Variants in MAP3K14 observed in about 807,000 individuals in gnomAD.
MAP3K14 encodes NF-kappa-beta-inducing kinase.
In MAP3K14, 16 loss-of-function variants were observed where a neutral mutation model predicts 99.2. The ratio of observed to expected loss-of-function variants is 0.16; its 90% CI spans 0.11 to 0.24. The LOEUF is 0.24. MAP3K14 is among the 10% of genes least tolerant of loss of function. The pLI, the probability that MAP3K14 is intolerant of heterozygous loss-of-function variation, is 1.00. For synonymous variants in MAP3K14, 462 were observed against 492.4 expected (o/e 0.94, Z 0.82); for missense variants, 784 against 1,208.7 (o/e 0.65, Z 5.21).
intron 14 of MAP3K14, 106 bp downstream of exon 14, chr17:45,266,431 C>G: frequency 7.0e-7 from 1 of 1,434,554 alleles, no homozygotes; most frequent in Non-Finnish European, 9.4e-7. Flanking sequence ...GCCTTCCTCC[C>G]TCCCACTGTG....
At chr17:45,274,346 G>T in intron 7 of MAP3K14, 92 bp from the exon 8 acceptor site, 2 of 1,569,078 alleles carry the variant, frequency 1.3e-6, no homozygotes, top group East Asian at 2.3e-5. Context: ...TGGAAAGCAG[G>T]GTCACAGGGT....
At chr17:45,287,679 G>A (rs1376604480) in intron 3 of MAP3K14, among the ~76,000 whole-genome samples, 1 of 152,210 alleles carries the variant, frequency 6.6e-6, no homozygotes, top group Non-Finnish European at 1.5e-5. Context: ...ATGGTGATGG[G>A]GTACAGACTC....
chr17:45,265,630 G>GA (rs1176064012), intron 14 of MAP3K14, among the ~76,000 whole-genome samples: 1 of 152,046 alleles, frequency 6.6e-6, no homozygotes, highest in African/African-American at 2.4e-5. Flanking sequence ...TAGAGACGGG[G>GA]TTTCACCATG....
At chr17:45,310,731 C>T (rs989458093) in intron 1 of MAP3K14, among the ~76,000 whole-genome samples, 7 of 152,154 alleles carry the variant, frequency 4.6e-5, no homozygotes, top group Non-Finnish European at 7.4e-5. Context: ...TAAATACCCA[C>T]TCTAGGTGAG....
intron 1 of MAP3K14, among the ~76,000 whole-genome samples, chr17:45,301,833 C>CTTTTTTT (rs34664244): frequency 7.4e-6 from 1 of 134,320 alleles, no homozygotes; most frequent in Non-Finnish European, 1.6e-5. Flanking sequence ...TCTCAGTTCT[C>CTTTTTTT]TTTTTTTTTT....
intron 1 of MAP3K14, among the ~76,000 whole-genome samples, chr17:45,313,152 C>G (rs1211092042): frequency 6.6e-6 from 1 of 152,090 alleles, no homozygotes; most frequent in African/African-American, 2.4e-5. Flanking sequence ...AAGGACTGTC[C>G]CCCTAAAGGT....
intron 14 of MAP3K14, among the ~76,000 whole-genome samples, chr17:45,265,610 G>C (rs2044072779): frequency 6.7e-6 from 1 of 148,576 alleles, no homozygotes; most frequent in Non-Finnish European, 1.5e-5. Context: ...GCTAATTTTT[G>C]TATTTTTAGT....
At chr17:45,271,605 C>T (rs1249136948) in intron 9 of MAP3K14, among the ~76,000 whole-genome samples, 1 of 152,208 alleles carries the variant, frequency 6.6e-6, no homozygotes, top group African/African-American at 2.4e-5. Context: ...CTCGGCCTCC[C>T]AAAGTGCTGA....
intron 6 of MAP3K14, among the ~76,000 whole-genome samples, chr17:45,279,984 A>G (rs1307703112): frequency 6.6e-6 from 1 of 152,132 alleles, no homozygotes; most frequent in Non-Finnish European, 1.5e-5. Context: ...CCCAATATAA[A>G]TGTCTATCCC....
chr17:45,270,582 C>T lies in MAP3K14; in HGVS notation c.1822-19G>A, dbSNP rs1049592564. On this transcript the variant is annotated intron_variant, in intron 10 of 15. Transcript: ENST00000344686. Reference sequence around the variant, plus strand: ...TGGCAATCTGGGGGGCAAAAGACAACAGGTGAGGCCTGCCTTCCCTCATTT... The same window carrying T: ...TGGCAATCTGGGGGGCAAAAGACAATAGGTGAGGCCTGCCTTCCCTCATTT... The T allele has an allele frequency of 1.3e-6, 2 of 1,530,586 alleles. No homozygotes were observed. The highest frequency in any genetic ancestry group is 1.8e-6 in the Non-Finnish European group (2 of 1,142,172). 94.8% of individuals were successfully genotyped at this position (1,530,586 alleles called of 1,614,324 possible).
intron 2 of MAP3K14, 125 bp downstream of exon 2, chr17:45,290,365 G>A: frequency 3.3e-6 from 4 of 1,210,444 alleles, no homozygotes; most frequent in Non-Finnish European, 4.6e-6. Context: ...CTCTGGTTGT[G>A]TCTCATGAGA....
chr17:45,275,760 C>CTTTTTTTTTTTTTT (rs369154222), intron 6 of MAP3K14, among the ~76,000 whole-genome samples: 1 of 123,550 alleles, frequency 8.1e-6, no homozygotes, highest in Non-Finnish European at 1.7e-5. Flanking sequence ...CTTTTCTTTT[C>CTTTTTTTTTTTTTT]TTTTTTTTTT....
chr17:45,274,619 A>G (rs1376818111), intron 6 of MAP3K14, 26 bp from the exon 7 acceptor site: 1 of 1,610,662 alleles, frequency 6.2e-7, no homozygotes, highest in East Asian at 2.2e-5. Context: ...GGCAGCTGTT[A>G]AGACAGGGTG....
chr17:45,283,178 G>A (rs1181055257), intron 6 of MAP3K14, among the ~76,000 whole-genome samples: 2 of 152,194 alleles, frequency 1.3e-5, no homozygotes, highest in African/African-American at 2.4e-5. Flanking sequence ...CAGTGACTAA[G>A]CTCCCAGCAC....
At chr17:45,293,280 T>TG (rs1217088296) in intron 1 of MAP3K14, among the ~76,000 whole-genome samples, 1 of 152,162 alleles carries the variant, frequency 6.6e-6, no homozygotes, top group Non-Finnish European at 1.5e-5. Context: ...TCTGGCTGTG[T>TG]GGGGGCTCTG....
At chr17:45,288,877 C>G (rs1476976842) in intron 3 of MAP3K14, among the ~76,000 whole-genome samples, 3 of 152,146 alleles carry the variant, frequency 2.0e-5, no homozygotes, top group South Asian at 2.1e-4. Context: ...GAAGGCCCCC[C>G]CCACCAACCC....
intron 1 of MAP3K14, among the ~76,000 whole-genome samples, chr17:45,312,758 G>A (rs1241890986): frequency 6.6e-6 from 1 of 152,076 alleles, no homozygotes; most frequent in Non-Finnish European, 1.5e-5. Flanking sequence ...GCAGATCGTG[G>A]GCCCCCAGAC....
At chr17:45,279,759 TA>T (rs1324960964) in intron 6 of MAP3K14, among the ~76,000 whole-genome samples, 1 of 152,096 alleles carries the variant, frequency 6.6e-6, no homozygotes, top group East Asian at 1.9e-4. Context: ...ATTCCATCAA[TA>T]AAAAAAGGCG....
intron 11 of MAP3K14, among the ~76,000 whole-genome samples, chr17:45,269,410 C>G (rs570654326): frequency 6.6e-6 from 1 of 152,254 alleles, no homozygotes; most frequent in African/African-American, 2.4e-5. Flanking sequence ...ATCTTTAACC[C>G]CATTTCTGGC....
Sources: allele counts gnomAD v4.1 joint callset (sites outside exome capture counted in the v4.1 genomes callset), GRCh38; gene constraint gnomAD v4.1.1; transcripts MANE v1.5; gene names NCBI Gene and HGNC (gene_info 2026-07-23, HGNC 2026-07-21).